Variants in SMYD1 observed in about 807,000 individuals in gnomAD.
The protein encoded by SMYD1 is histone-lysine N-methyltransferase SMYD1.
A neutral mutation model predicts 54.0 loss-of-function variants in SMYD1; 49 were observed. The ratio of observed to expected loss-of-function variants is 0.91; its 90% CI spans 0.72 to 1.15. SMYD1 has a LOEUF of 1.15. Ranked by LOEUF, SMYD1 falls within the 50% of genes most tolerant of loss-of-function variation. SMYD1 has a pLI of 0.00. For missense variants in SMYD1, 653 were observed against 639.6 expected (o/e 1.02, Z -0.23); for synonymous variants, 269 against 234.2 (o/e 1.15, Z -1.36).
Position 88,090,982 on chromosome 2 carries a change from A to G in SMYD1, c.529-30A>G, listed in dbSNP as rs1290604931. On this transcript the variant is annotated intron_variant, in intron 3 of 9. Coordinates refer to ENST00000419482, the MANE Select transcript of SMYD1 (RefSeq NM_198274.4). ...GATGTTGTTCTGTCCATGTCTGTCG[A>G]CTGACTCTTTCATCTTTTCCCCTGG... 1.9e-6 allele frequency: 3 copies of G among 1,602,530 alleles called. No homozygotes were observed. The South Asian group carries it at 3.3e-5, about 18-fold the overall frequency.
chr2:88,106,607 A>G, intron 8 of SMYD1, 119 bp downstream of exon 8: 7 of 1,043,642 alleles, frequency 6.7e-6, no homozygotes, highest in Non-Finnish European at 9.8e-6. Context: ...GGCGTCAGTA[A>G]TCCATCATGG....
intron 6 of SMYD1, among the ~76,000 whole-genome samples, chr2:88,099,240 C>G (rs1329320812): frequency 6.6e-6 from 1 of 152,012 alleles, no homozygotes; most frequent in Non-Finnish European, 1.5e-5. Context: ...TGCATGTCAC[C>G]GCTGCTGGCT....
intron 5 of SMYD1, 85 bp downstream of exon 5, chr2:88,093,640 C>T: frequency 2.1e-6 from 3 of 1,461,216 alleles, no homozygotes; most frequent in Non-Finnish European, 2.9e-6. Flanking sequence ...ATTCCCGAGA[C>T]TTCTTGGCTG....
chr2:88,084,925 A>T (rs751102779), intron 2 of SMYD1, among the ~76,000 whole-genome samples: 10 of 151,824 alleles, frequency 6.6e-5, no homozygotes, highest in Non-Finnish European at 1.3e-4. Flanking sequence ...TAATTTTTGT[A>T]TTTTTTTAGA....
intron 2 of SMYD1, 39 bp downstream of exon 2, chr2:88,084,531 A>G: frequency 6.5e-6 from 10 of 1,531,982 alleles, no homozygotes; most frequent in Non-Finnish European, 8.9e-6. Flanking sequence ...CAGATTTCCA[A>G]ATGTCAGGCT....
Position 88,091,062 on chromosome 2 carries a change from GGGCGTA to G in SMYD1, c.583_588del (p.Val195_Gly196del), listed in dbSNP as rs775227557. ...GTGATCAGAGAGGCCTGCAGGCCGT[GGGCGTA>G]GGCATCTTCCCCAACCTGGGCCTGG... On this transcript the variant is annotated inframe_deletion, in exon 4 of 10. Coordinates refer to ENST00000419482, the MANE Select transcript of SMYD1 (RefSeq NM_198274.4). 76 of 1,614,056 alleles carry G rather than the reference GGGCGTA, an allele frequency of 4.7e-5. No homozygotes were observed. The highest frequency in any genetic ancestry group is 6.4e-5 in the Non-Finnish European group (75 of 1,180,036).
intron 3 of SMYD1, among the ~76,000 whole-genome samples, chr2:88,088,980 G>A (rs938055532): frequency 6.6e-6 from 1 of 152,194 alleles, no homozygotes; most frequent in Non-Finnish European, 1.5e-5. Flanking sequence ...GAGGACGGAG[G>A]AGGACAAACA....
In SMYD1 at chr2:88,089,166, C is replaced by T. The variant is rs1055240184; in HGVS notation, c.528+1091C>T. ...GCAGTTCAAGTCCGGAGGCATTCTG[C>T]TGGCAGAACTCCTTGCTCAGGGGAG... On this transcript the variant is annotated intron_variant, in intron 3 of 9. Coordinates refer to ENST00000419482, the MANE Select transcript of SMYD1 (RefSeq NM_198274.4). Among the ~76,000 whole-genome samples, 3 of 152,194 alleles carry T rather than the reference C, an allele frequency of 2.0e-5. No individual in the cohort carries two copies. In the East Asian group the frequency reaches 5.8e-4, roughly 29 times the overall value.
chr2:88,074,771 TG>T (rs1470659332), intron 1 of SMYD1, among the ~76,000 whole-genome samples: 1 of 152,136 alleles, frequency 6.6e-6, no homozygotes, highest in Non-Finnish European at 1.5e-5. Context: ...AAAAAGATAG[TG>T]GGGAACATGA....
chr2:88,101,226 G>A (rs185670606), intron 6 of SMYD1, among the ~76,000 whole-genome samples: 2 of 152,360 alleles, frequency 1.3e-5, no homozygotes, highest in African/African-American at 4.8e-5. Flanking sequence ...GTAGTTTACT[G>A]AGGGTGGCTT....
At chr2:88,089,957 C>T (rs759005901) in intron 3 of SMYD1, among the ~76,000 whole-genome samples, 16 of 152,070 alleles carry the variant, frequency 1.1e-4, no homozygotes, top group Non-Finnish European at 1.6e-4. Context: ...GAGTAATCTT[C>T]GGCATCCCTG....
chr2:88,097,393 G>T (rs940699199), intron 6 of SMYD1, among the ~76,000 whole-genome samples: 2 of 152,160 alleles, frequency 1.3e-5, no homozygotes, highest in Non-Finnish European at 2.9e-5. Context: ...GAGCTGAGCC[G>T]CCAGGTGTCA....
At chr2:88,074,608 A>G (rs1674019918) in intron 1 of SMYD1, among the ~76,000 whole-genome samples, 1 of 152,234 alleles carries the variant, frequency 6.6e-6, no homozygotes, top group African/African-American at 2.4e-5. Context: ...GATTGATCCA[A>G]TTCATCACAA....
chr2:88,083,919 C>T (rs1003611916), intron 1 of SMYD1, among the ~76,000 whole-genome samples: 8 of 152,128 alleles, frequency 5.3e-5, no homozygotes, highest in African/African-American at 1.7e-4. Context: ...CATGGTGAAA[C>T]CCTGTCTGTA....
chr2:88,096,805 G>T, intron 6 of SMYD1, 21 bp downstream of exon 6: 1 of 1,603,792 alleles, frequency 6.2e-7, no homozygotes, highest in Non-Finnish European at 8.5e-7. Flanking sequence ...CCCTGCTGCT[G>T]AGGTGTTTGT....
rs752773485 is a variant in SMYD1, at chr2:88,110,451, T to A, written c.1412T>A (p.Met471Lys). The change falls in exon 10 of 10, where the codon ATG becomes AAG. Residue 471 changes from methionine (M) to lysine (K), a missense_variant. By Grantham distance (95) the Met-to-Lys change is moderately conservative. Transcript: ENST00000419482. Reference sequence around the variant, plus strand: ...GAGGCTGCCCTGAACAACCAGCCCATGCAGGTCATGGCCGAGCCCAGCAAT... The same window carrying A: ...GAGGCTGCCCTGAACAACCAGCCCAAGCAGGTCATGGCCGAGCCCAGCAAT... The part of the protein sequence containing the change: ...MREAALNNQP[M>K]QVMAEPSNEP... The A allele has an allele frequency of 3.1e-6, 5 of 1,606,856 alleles. No homozygotes were observed. The highest frequency in any genetic ancestry group is 4.2e-6 in the Non-Finnish European group (5 of 1,176,540).
chr2:88,106,279 G>A, intron 7 of SMYD1, 46 bp from the exon 8 acceptor site: 1 of 1,602,136 alleles, frequency 6.2e-7, no homozygotes, highest in Non-Finnish European at 8.5e-7. Context: ...AATTAAACGT[G>A]TGCTCTGGTG....
chr2:88,104,715 C>T (rs1573121374), intron 7 of SMYD1, among the ~76,000 whole-genome samples: 1 of 152,344 alleles, frequency 6.6e-6, no homozygotes, highest in South Asian at 2.1e-4. Flanking sequence ...AAAATTAGTT[C>T]TCACTGATTT....
chr2:88,080,514 A>G (rs867822722), intron 1 of SMYD1, among the ~76,000 whole-genome samples: 2 of 152,296 alleles, frequency 1.3e-5, no homozygotes, highest in Middle Eastern at 6.8e-3. Context: ...CGACCTTGGA[A>G]CAGACAGGCA....
Sources: gnomAD v4.1 joint callset for allele counts (sites outside exome capture counted in the v4.1 genomes callset) on GRCh38, gnomAD v4.1.1 for gene constraint, MANE v1.5 for transcripts, NCBI Gene and HGNC (gene_info 2026-07-23, HGNC 2026-07-21) for gene names.